The following HMGCLL1 variants were observed in gnomAD, a reference collection of about 807,000 sequenced individuals.
HMGCLL1 encodes the protein 3-hydroxymethyl-3-methylglutaryl-CoA lyase, cytoplasmic.
A neutral mutation model predicts 39.1 loss-of-function variants in HMGCLL1; 36 were observed. The observed-to-expected ratio is 0.92, with a 90% CI of 0.71 to 1.22. The LOEUF (loss-of-function observed/expected upper bound fraction) is 1.22. Among genes scored for constraint, HMGCLL1 ranks in the 50% most tolerant of loss-of-function variants. HMGCLL1 has a pLI of 0.00. For synonymous variants in HMGCLL1, 149 were observed against 144.0 expected (o/e 1.03, Z -0.25); for missense variants, 451 against 416.5 (o/e 1.08, Z -0.72).
intron 1 of HMGCLL1, chr6:55,566,665 ACT>A: frequency 2.2e-6 from 1 of 455,462 alleles, no homozygotes; most frequent in Non-Finnish European, 4.4e-6. Flanking sequence ...CATATTGTGC[ACT>A]GTGTGAATTA....
At chr6:55,458,645 G>A (rs1429383270) in intron 7 of HMGCLL1, among the ~76,000 whole-genome samples, 1 of 152,136 alleles carries the variant, frequency 6.6e-6, no homozygotes, top group Admixed American at 6.5e-5. Context: ...AGACAGTGTT[G>A]CAAAGTAATA....
At chr6:55,516,941 T>C (rs1487515656) in intron 3 of HMGCLL1, among the ~76,000 whole-genome samples, 1 of 152,198 alleles carries the variant, frequency 6.6e-6, no homozygotes, top group South Asian at 2.1e-4. Context: ...CTGGGGAAAG[T>C]TGGAAAGGCA....
intron 7 of HMGCLL1, 65 bp from the exon 8 acceptor site, chr6:55,439,624 T>G: frequency 5.1e-6 from 8 of 1,564,928 alleles, no homozygotes; most frequent in Non-Finnish European, 7.0e-6. Context: ...TGCATTTCTA[T>G]TTAACCTATG....
intron 7 of HMGCLL1, among the ~76,000 whole-genome samples, chr6:55,470,166 C>T (rs544858257): frequency 6.6e-6 from 1 of 152,004 alleles, no homozygotes; most frequent in Non-Finnish European, 1.5e-5. Flanking sequence ...CTTGGTTGAA[C>T]CACTGAAACC....
chr6:55,579,143 G>A lies in HMGCLL1; in HGVS notation c.-88C>T. 3.0e-6 allele frequency: 3 copies of A among 993,596 alleles called. No individual in the cohort carries two copies. The highest frequency in any genetic ancestry group is 4.6e-6 in the Non-Finnish European group (3 of 647,502). 61.5% of individuals were successfully genotyped at this position (993,596 alleles called of 1,614,324 possible). ...CCGCGCTGGGAAACTGCGCCAGCTC[G>A]GGAGCGCGCCCCTCCGGTGCACTGG... On this transcript the variant is annotated 5_prime_UTR_variant, in exon 1 of 9. Transcript: ENST00000274901.
At chr6:55,616,043 A>C in the HMGCLL1 span, among the ~76,000 whole-genome samples, 1 of 152,106 alleles carries the variant, frequency 6.6e-6, no homozygotes, top group Admixed American at 6.6e-5. Context: ...ATGACATTTG[A>C]AAATACCCAG....
chr6:55,675,132 G>T, the HMGCLL1 span, among the ~76,000 whole-genome samples: 1 of 152,202 alleles, frequency 6.6e-6, no homozygotes, highest in East Asian at 1.9e-4. Flanking sequence ...TAAATCAAAA[G>T]TTCCATGTAA....
At chr6:55,550,741 C>G (rs187204907) in intron 1 of HMGCLL1, among the ~76,000 whole-genome samples, 13 of 151,746 alleles carry the variant, frequency 8.6e-5, no homozygotes, top group Middle Eastern at 3.4e-3. Flanking sequence ...TTAACATATT[C>G]ACTCGTTCTC....
the HMGCLL1 span, among the ~76,000 whole-genome samples, chr6:55,655,516 A>C: frequency 5.6e-4 from 80 of 143,836 alleles, no homozygotes; most frequent in Non-Finnish European, 8.4e-4. Context: ...AGATAGTTGG[A>C]TAGGTAGGTA....
intron 5 of HMGCLL1, chr6:55,512,840 C>T (rs1767533182): frequency 6.6e-6 from 1 of 152,084 alleles, no homozygotes; most frequent in Admixed American, 6.6e-5. Context: ...CTTCTATTAC[C>T]AATCGCTATG....
At position 55,526,544 on chromosome 6, in the gene HMGCLL1, T is replaced by C. The variant is rs78028479; in HGVS notation, c.298-9941A>G. The stretch of plus-strand genomic sequence containing the variant: ...AAATGATTGTTGAATTGAATTGACA[T>C]TTATCTCCCTTGGTTTTAGCCCTTT... On this transcript the variant is annotated intron_variant, in intron 3 of 8. Transcript: ENST00000274901. Among the ~76,000 whole-genome samples the C allele has an allele frequency of 5.0e-4, 76 of 152,182 alleles. 1 individual carries two copies. The East Asian group carries it at 0.013, about 26-fold the overall frequency.
chr6:55,503,002 T>G (rs1581866162), intron 5 of HMGCLL1, among the ~76,000 whole-genome samples: 1 of 151,718 alleles, frequency 6.6e-6, no homozygotes, highest in East Asian at 1.9e-4. Flanking sequence ...GTCTCCTGTG[T>G]TTGTTTTCCT....
At chr6:55,510,657 G>C (rs1767410295) in intron 5 of HMGCLL1, among the ~76,000 whole-genome samples, 1 of 102,498 alleles carries the variant, frequency 9.8e-6, no homozygotes, top group Non-Finnish European at 1.8e-5. Context: ...GGGGGGAGGG[G>C]GGAGGGATAG....
chr6:55,456,543 C>T (rs1561891257), intron 7 of HMGCLL1, among the ~76,000 whole-genome samples: 2 of 152,164 alleles, frequency 1.3e-5, no homozygotes, highest in Non-Finnish European at 2.9e-5. Context: ...AGACTGATTC[C>T]TTCAGGATGC....
At chr6:55,568,470 A>C (rs2127474618) in intron 1 of HMGCLL1, among the ~76,000 whole-genome samples, 1 of 152,192 alleles carries the variant, frequency 6.6e-6, no homozygotes, top group East Asian at 1.9e-4. Context: ...ATTCCTGAGG[A>C]AGCTAAATAT....
chr6:55,637,738 GTATGTGTC>G, the HMGCLL1 span, among the ~76,000 whole-genome samples: 3 of 143,326 alleles, frequency 2.1e-5, no homozygotes, highest in East Asian at 2.1e-4. Flanking sequence ...GTGTGTGTGT[GTATGTGTC>G]TGTGTGTGTC....
At chr6:55,615,366 A>G in the HMGCLL1 span, among the ~76,000 whole-genome samples, 2 of 152,132 alleles carry the variant, frequency 1.3e-5, no homozygotes, top group African/African-American at 4.8e-5. Flanking sequence ...ACAAAGGTGA[A>G]TCTCAAGCTA....
chr6:55,442,918 G>A (rs1763666875), intron 7 of HMGCLL1, among the ~76,000 whole-genome samples: 1 of 152,154 alleles, frequency 6.6e-6, no homozygotes, highest in African/African-American at 2.4e-5. Context: ...ATATAAACAG[G>A]CAGGGGCATT....
intron 1 of HMGCLL1, among the ~76,000 whole-genome samples, chr6:55,550,474 T>C (rs564091793): frequency 1.3e-5 from 2 of 152,024 alleles, no homozygotes; most frequent in South Asian, 4.1e-4. Flanking sequence ...CTTATTCTTC[T>C]ACCTAGTTTT....
Sources: gnomAD v4.1 joint callset for allele counts (sites outside exome capture counted in the v4.1 genomes callset) on GRCh38, gnomAD v4.1.1 for gene constraint, MANE v1.5 for transcripts, NCBI Gene and HGNC (gene_info 2026-07-23, HGNC 2026-07-21) for gene names.